The following KIDINS220 variants were observed in gnomAD, a reference collection of about 807,000 sequenced individuals.
KIDINS220 encodes the protein kinase D interacting substrate 220.
A neutral mutation model predicts 157.6 loss-of-function variants in KIDINS220; 63 were observed. That is an observed-to-expected ratio of 0.40 (90% CI 0.33 to 0.49). KIDINS220 has a LOEUF of 0.49. KIDINS220 is among the 20% of genes least tolerant of loss of function. KIDINS220 has a pLI of 0.66. For missense variants in KIDINS220, 1,772 were observed against 2,171.2 expected (o/e 0.82, Z 3.65); for synonymous variants, 732 against 783.6 (o/e 0.93, Z 1.10).
At chr2:8,779,197 G>C in intron 18 of KIDINS220, 58 bp from the exon 19 acceptor site, 1 of 1,572,388 alleles carries the variant, frequency 6.4e-7, no homozygotes, top group Non-Finnish European at 8.6e-7. Context: ...AAAAGAATAA[G>C]GCATCTCTTC....
chr2:8,826,784 T>C, intron 2 of KIDINS220: 1 of 332,586 alleles, frequency 3.0e-6, no homozygotes, highest in Non-Finnish European at 5.4e-6. Context: ...AAATCTAAAT[T>C]CAACAGTCAT....
chr2:8,778,237 G>C (rs567466235), intron 20 of KIDINS220, among the ~76,000 whole-genome samples: 2 of 152,304 alleles, frequency 1.3e-5, no homozygotes, highest in South Asian at 4.1e-4. Context: ...CAAGCATTTA[G>C]GGAAGGCTGG....
intron 26 of KIDINS220, among the ~76,000 whole-genome samples, chr2:8,744,018 T>C (rs1003130695): frequency 2.7e-5 from 4 of 149,858 alleles, no homozygotes; most frequent in Non-Finnish European, 5.9e-5. Context: ...CTTATAGATA[T>C]ATCCAACTGT....
chr2:8,751,213 G>C (rs1667310364), intron 23 of KIDINS220, among the ~76,000 whole-genome samples: 1 of 150,512 alleles, frequency 6.6e-6, no homozygotes, highest in Admixed American at 6.6e-5. Context: ...GGTGGGGACA[G>C]GGATCATAAT....
chr2:8,754,808 T>C (rs374034097), intron 22 of KIDINS220, among the ~76,000 whole-genome samples: 4 of 152,362 alleles, frequency 2.6e-5, no homozygotes, highest in African/African-American at 9.6e-5. Flanking sequence ...GCAGAATTTA[T>C]GAAGAAAGTA....
At position 8,834,408 on chromosome 2, in the gene KIDINS220, G is replaced by A. The variant is rs531509125; in HGVS notation, c.-37+3072C>T. ...TTTCTGTACATACGTCACCTGATCAGAGCTTCTCTGACCACCGTGTATAAA... is the reference window on the plus strand; with the variant it reads ...TTTCTGTACATACGTCACCTGATCAAAGCTTCTCTGACCACCGTGTATAAA... On this transcript the variant is annotated intron_variant, in intron 1 of 29. Transcript: ENST00000256707. Among the ~76,000 whole-genome samples, 5 of 151,596 alleles carry A rather than the reference G, an allele frequency of 3.3e-5. No individual in the cohort carries two copies. The South Asian group carries it at 1.0e-3, about 32-fold the overall frequency.
chr2:8,733,628 A>T lies in KIDINS220; in HGVS notation c.3869T>A (p.Phe1290Tyr). The T allele has an allele frequency of 6.2e-7, 1 of 1,608,704 alleles. No individual in the cohort carries two copies. Among genetic ancestry groups the T allele is most frequent in the South Asian group, 1.1e-5 (1 of 90,676 alleles). ...ESHVVPEDPR[F>Y]LSESSSGPAP... ...TGGGCCACTGCTGCTCTCACTGAGGAAACGTGGGTCTTCAGGGACCACGTG... is the reference window on the plus strand; with the variant it reads ...TGGGCCACTGCTGCTCTCACTGAGGTAACGTGGGTCTTCAGGGACCACGTG... Residue 1290 changes from phenylalanine to tyrosine, a missense_variant, in exon 29 of 30, where the codon TTC (phenylalanine) becomes TAC (tyrosine). This residue lies in a region of KIDINS220 where 793 missense variants were observed against 885.5 expected (regional missense o/e 0.90). Coordinates refer to ENST00000256707, the MANE Select transcript of KIDINS220 (RefSeq NM_020738.4).
intron 21 of KIDINS220, among the ~76,000 whole-genome samples, chr2:8,773,949 C>G (rs545930228): frequency 6.6e-6 from 1 of 152,190 alleles, no homozygotes; most frequent in Non-Finnish European, 1.5e-5. Context: ...ATTCAGGTCT[C>G]TTAGTCATTT....
At chr2:8,783,016 G>T (rs1226090160) in intron 17 of KIDINS220, among the ~76,000 whole-genome samples, 3 of 151,948 alleles carry the variant, frequency 2.0e-5, no homozygotes, top group Non-Finnish European at 2.9e-5. Context: ...TGATCAACAC[G>T]GTGAAACTCC....
At chr2:8,815,297 G>T (rs1166098821) in intron 4 of KIDINS220, among the ~76,000 whole-genome samples, 2 of 151,506 alleles carry the variant, frequency 1.3e-5, no homozygotes, top group African/African-American at 4.9e-5. Context: ...GCTACAGGGG[G>T]AGCTGAAATG....
rs1680496168 is a variant in KIDINS220, at chr2:8,836,909, T to A, written c.-37+571A>T. 4.6e-5 allele frequency among the ~76,000 whole-genome samples: 7 copies of A among 152,296 alleles called. No individual in the cohort carries two copies. In the South Asian group the frequency reaches 1.5e-3, roughly 32 times the overall value. Reference sequence around the variant, plus strand: ...CTTGAAAGAATAAAAATTCCAACATTACAAAGTGATGAAGAAATTATTTCC... The same window carrying A: ...CTTGAAAGAATAAAAATTCCAACATAACAAAGTGATGAAGAAATTATTTCC... On this transcript the variant is annotated intron_variant, in intron 1 of 29. Transcript: ENST00000256707.
Position 8,817,643 on chromosome 2 carries a change from C to G in KIDINS220, c.281G>C (p.Gly94Ala). The G allele has an allele frequency of 2.5e-6, 4 of 1,604,212 alleles. No homozygotes were observed. The highest frequency in any genetic ancestry group is 3.4e-6 in the Non-Finnish European group (4 of 1,174,320). The change falls in exon 4 of 30, where the codon GGG becomes GCG. Residue 94 changes from glycine (G) to alanine (A), a missense_variant. By Grantham distance (60) the Gly-to-Ala change is moderately conservative. Transcript: ENST00000256707. ...CATATCACGGTGCTCCAAGTTAACCCCACATTTCAGTAGTTCCTCTACGAT... is the reference window on the plus strand; with the variant it reads ...CATATCACGGTGCTCCAAGTTAACCGCACATTTCAGTAGTTCCTCTACGAT... Reference protein sequence around the residue: ...VHIVEELLKCGVNLEHRDMGG... With the variant: ...VHIVEELLKCAVNLEHRDMGG...
intron 1 of KIDINS220, among the ~76,000 whole-genome samples, chr2:8,834,404 A>G (rs1558515269): frequency 6.6e-6 from 1 of 151,430 alleles, no homozygotes; most frequent in African/African-American, 2.4e-5. Context: ...ACGTCACCTG[A>G]TCAGAGCTTC....
chr2:8,749,389 G>A, intron 24 of KIDINS220: 2 of 456,176 alleles, frequency 4.4e-6, no homozygotes, highest in Non-Finnish European at 4.4e-6. Context: ...AACAGTTCCA[G>A]AAAGTGTAAC....
intron 1 of KIDINS220, among the ~76,000 whole-genome samples, chr2:8,828,768 C>T (rs1679195109): frequency 1.3e-5 from 2 of 152,308 alleles, no homozygotes; most frequent in South Asian, 2.1e-4. Context: ...CTGGTGAATC[C>T]TCTTTGCCTT....
At chr2:8,775,333 C>T (rs770155684) in intron 21 of KIDINS220, among the ~76,000 whole-genome samples, 6 of 152,152 alleles carry the variant, frequency 3.9e-5, no homozygotes, top group Non-Finnish European at 8.8e-5. Flanking sequence ...AATGCGGTCG[C>T]CAAGGTAGCA....
At chr2:8,790,134 T>A in intron 13 of KIDINS220, 75 bp from the exon 14 acceptor site, 1 of 1,348,258 alleles carries the variant, frequency 7.4e-7, no homozygotes, top group Non-Finnish European at 1.0e-6. Flanking sequence ...ATATGCAGTT[T>A]TCACATTTTC....
At chr2:8,721,669 T>A (rs1005888745), downstream of KIDINS220, 3 of 152,116 alleles carry the variant, frequency 2.0e-5, no homozygotes, top group Non-Finnish European at 4.4e-5. Flanking sequence ...AATCAGCTCA[T>A]CCCTAACTGG....
At chr2:8,800,963 T>G (rs1036992107) in intron 8 of KIDINS220, among the ~76,000 whole-genome samples, 29 of 152,190 alleles carry the variant, frequency 1.9e-4, no homozygotes, top group Non-Finnish European at 4.4e-5. Context: ...TACAGCCACA[T>G]TCAATTAAGG....
Sources: gnomAD v4.1 joint callset for allele counts (sites outside exome capture counted in the v4.1 genomes callset) on GRCh38, gnomAD v4.1.1 for gene constraint, gnomAD v4.1.1 regional missense constraint, MANE v1.5 for transcripts, NCBI Gene and HGNC (gene_info 2026-07-23, HGNC 2026-07-21) for gene names.